Variants in RYR2 observed in about 807,000 individuals in gnomAD.
RYR2 encodes ryanodine receptor 2, also known as cardiac muscle ryanodine receptor-calcium release channel.
Under a neutral mutation model 601.1 loss-of-function variants are expected in RYR2, and 227 were observed. The ratio of observed to expected loss-of-function variants is 0.38; its 90% CI spans 0.34 to 0.42. RYR2 has a LOEUF of 0.42. RYR2 is among the 10% of genes least tolerant of loss of function. RYR2 has a pLI of 1.00. For synonymous variants in RYR2, 2,223 were observed against 2,175.1 expected (o/e 1.02, Z -0.61); for missense variants, 4,646 against 6,156.5 (o/e 0.75, Z 8.21).
At chr1:237,787,670 T>C (rs1657800075) in intron 91 of RYR2, among the ~76,000 whole-genome samples, 1 of 147,956 alleles carries the variant, frequency 6.8e-6, no homozygotes, top group Non-Finnish European at 1.5e-5. Context: ...CATAGCAAAA[T>C]CATTCATCAT....
intron 1 of RYR2, among the ~76,000 whole-genome samples, chr1:237,182,123 AT>A (rs1678833225): frequency 6.6e-6 from 1 of 151,386 alleles, no homozygotes; most frequent in Non-Finnish European, 1.5e-5. Flanking sequence ...TTATTTATTT[AT>A]TTATTTATTT....
chr1:237,408,407 A>ATATATATATATATATATATATATATAT lies in RYR2; in HGVS notation c.774-8642_774-8641insTATATATATATATATATATATATATAT, dbSNP rs56317247. Among the ~76,000 whole-genome samples the ATATATATATATATATATATATATATAT allele has an allele frequency of 6.0e-3, 799 of 132,586 alleles. 51 individuals carry two copies. The highest frequency in any genetic ancestry group is 0.019 in the African/African-American group (593 of 30,438). The allele number at this position is 132,586 out of a possible 152,430, so 87.0% of individuals were successfully genotyped here. ...TCTAGATTCTTTATATATATATATA[A>ATATATATATATATATATATATATATAT]ATGGATATCCAGTCTTTTCAGTACT... On this transcript the variant is annotated intron_variant, in intron 10 of 104. Coordinates refer to ENST00000366574, the MANE Select transcript of RYR2 (RefSeq NM_001035.3).
At chr1:237,297,221 G>A (rs925758303) in intron 2 of RYR2, among the ~76,000 whole-genome samples, 17 of 152,116 alleles carry the variant, frequency 1.1e-4, no homozygotes, top group Non-Finnish European at 8.8e-5. Context: ...CACAGAATGC[G>A]AGGGCAAAGA....
At chr1:237,278,870 T>C (rs2149375092) in intron 2 of RYR2, among the ~76,000 whole-genome samples, 1 of 152,358 alleles carries the variant, frequency 6.6e-6, no homozygotes, top group East Asian at 1.9e-4. Flanking sequence ...TTTTCATTTA[T>C]AATCACTTTA....
At chr1:237,564,470 A>C (rs1362054043) in intron 27 of RYR2, among the ~76,000 whole-genome samples, 4 of 152,102 alleles carry the variant, frequency 2.6e-5, no homozygotes. Flanking sequence ...GGATTTCACC[A>C]TGTTGGCCAG....
chr1:237,609,977 T>G (rs927669658), intron 35 of RYR2, among the ~76,000 whole-genome samples: 3 of 152,040 alleles, frequency 2.0e-5, no homozygotes, highest in African/African-American at 7.3e-5. Context: ...GAAAGCAGTT[T>G]GAGGATGAAG....
intron 79 of RYR2, among the ~76,000 whole-genome samples, chr1:237,738,619 G>A (rs936322914): frequency 2.6e-5 from 4 of 151,936 alleles, no homozygotes; most frequent in African/African-American, 7.2e-5. Flanking sequence ...AATATTTTGG[G>A]CTCTACTTAT....
rs184364859 is a variant in RYR2, at chr1:237,106,987, G to T, written c.48+64418G>T. On this transcript the variant is annotated intron_variant, in intron 1 of 104. Coordinates refer to ENST00000366574, the MANE Select transcript of RYR2 (RefSeq NM_001035.3). The surrounding 1 kb of genome is among the most constrained non-coding windows in gnomAD (Gnocchi z 4.4). ...AGATTTTAACATATGATTTTGGGGG[G>T]ACTGAGGGACATAAACATTTAGTCT... Among the ~76,000 whole-genome samples the T allele has an allele frequency of 6.6e-6, 1 of 152,118 alleles. No homozygotes were observed. Among genetic ancestry groups the T allele is most frequent in the African/African-American group, 2.4e-5 (1 of 41,412 alleles).
chr1:237,135,570 T>C (rs2490375), intron 1 of RYR2, among the ~76,000 whole-genome samples: 1 of 148,874 alleles, frequency 6.7e-6, no homozygotes. Flanking sequence ...TAGAGATGGG[T>C]TTTCACCTCC....
At chr1:237,229,977 T>C (rs1362841) in intron 1 of RYR2, among the ~76,000 whole-genome samples, 41,379 of 151,874 alleles carry the variant, frequency 0.27, 7,039 homozygotes, top group East Asian at 0.38. Context: ...TAGCCCCCCC[T>C]TTTTTTATAT....
chr1:237,595,700 T>C (rs771333499), intron 34 of RYR2, 43 bp downstream of exon 34: 2 of 1,555,712 alleles, frequency 1.3e-6, no homozygotes, highest in Non-Finnish European at 1.7e-6. Flanking sequence ...GGAGGAAGAC[T>C]TCTTTCCCCC....
chr1:237,221,603 A>G (rs905346817), intron 1 of RYR2, among the ~76,000 whole-genome samples: 2 of 152,240 alleles, frequency 1.3e-5, no homozygotes, highest in Non-Finnish European at 1.5e-5. Context: ...AGTCACATGT[A>G]CTGCAAATTT....
At chr1:237,490,622 T>C (rs1030913448) in intron 17 of RYR2, among the ~76,000 whole-genome samples, 4 of 152,246 alleles carry the variant, frequency 2.6e-5, no homozygotes, top group African/African-American at 7.2e-5. Context: ...TTAACTGTTA[T>C]GCATTGTTGG....
chr1:237,718,211 G>T (rs889030001), intron 72 of RYR2, among the ~76,000 whole-genome samples: 3 of 152,168 alleles, frequency 2.0e-5, no homozygotes, highest in Admixed American at 2.0e-4. Flanking sequence ...TTCTTCTTAT[G>T]AATTGGAAAC....
intron 66 of RYR2, among the ~76,000 whole-genome samples, chr1:237,702,887 G>A (rs1026242557): frequency 1.3e-5 from 2 of 151,978 alleles, no homozygotes; most frequent in Non-Finnish European, 2.9e-5. Flanking sequence ...TAGCAAATTA[G>A]ATCAATGGAA....
intron 1 of RYR2, among the ~76,000 whole-genome samples, chr1:237,073,738 G>A (rs557912548): frequency 1.3e-5 from 2 of 152,034 alleles, no homozygotes; most frequent in South Asian, 2.1e-4. Context: ...GGGTGTTGTG[G>A]CATGCACCTG....
intron 48 of RYR2, among the ~76,000 whole-genome samples, chr1:237,645,265 A>G (rs1277139767): frequency 6.6e-6 from 1 of 152,198 alleles, no homozygotes; most frequent in Non-Finnish European, 1.5e-5. Context: ...TGGCAAAACT[A>G]CCATAATAAT....
At chr1:237,099,361 C>T (rs1458910127) in intron 1 of RYR2, among the ~76,000 whole-genome samples, 2 of 152,066 alleles carry the variant, frequency 1.3e-5, no homozygotes, top group Admixed American at 1.3e-4. Context: ...CCTCAGCCTC[C>T]CAAGTAGCTG....
chr1:237,718,479 A>T lies in RYR2; in HGVS notation c.10512A>T (p.Glu3504Asp). ...NRFSLKDTED[E>D]VRDIIRSNIH... ...CTTGACAGAAAGATACCGAGGATGAAGTACGAGATATAATCCGCAGCAATA... is the reference window on the plus strand; with the variant it reads ...CTTGACAGAAAGATACCGAGGATGATGTACGAGATATAATCCGCAGCAATA... Residue 3504 changes from glutamate (E) to aspartate (D), a missense_variant, in exon 73 of 105, where the codon GAA becomes GAT. Coordinates refer to ENST00000366574, the MANE Select transcript of RYR2 (RefSeq NM_001035.3). 1 of 1,590,478 alleles carries T rather than the reference A, an allele frequency of 6.3e-7. No homozygotes were observed. Among genetic ancestry groups the T allele is most frequent in the African/African-American group, 1.3e-5 (1 of 74,676 alleles).
Sources: gnomAD v4.1 joint callset for allele counts (sites outside exome capture counted in the v4.1 genomes callset) on GRCh38, gnomAD v4.1.1 for gene constraint, Gnocchi (gnomAD v3.1) non-coding constraint, MANE v1.5 for transcripts, NCBI Gene and HGNC (gene_info 2026-07-23, HGNC 2026-07-21) for gene names.